The following DDC variants were observed in gnomAD, a reference collection of about 807,000 sequenced individuals.
The protein encoded by DDC is dopa decarboxylase, also known as aromatic-L-amino-acid decarboxylase.
Under a neutral mutation model 60.0 loss-of-function variants are expected in DDC, and 43 were observed. The observed-to-expected ratio is 0.72, with a 90% CI of 0.56 to 0.92. The LOEUF (loss-of-function observed/expected upper bound fraction) is 0.92, where lower values mean the gene tolerates loss of function less well. DDC is among the 40% of genes least tolerant of loss of function. The pLI, the probability that DDC is intolerant of heterozygous loss-of-function variation, is 0.00. For synonymous variants in DDC, 232 were observed against 234.6 expected (o/e 0.99, Z 0.10); for missense variants, 573 against 620.2 (o/e 0.92, Z 0.81).
At chr7:50,521,356 G>A (rs1173734959) in intron 6 of DDC, among the ~76,000 whole-genome samples, 1 of 152,150 alleles carries the variant, frequency 6.6e-6, no homozygotes, top group African/African-American at 2.4e-5. Context: ...TCACTGCTGA[G>A]TTCTGCCAAA....
At chr7:50,535,966 G>T (rs1240280260) in intron 4 of DDC, among the ~76,000 whole-genome samples, 1 of 152,148 alleles carries the variant, frequency 6.6e-6, no homozygotes, top group Non-Finnish European at 1.5e-5. Flanking sequence ...AGTGTGAAAG[G>T]AAAATAAATC....
intron 14 of DDC, among the ~76,000 whole-genome samples, chr7:50,461,773 C>A (rs920565359): frequency 6.6e-6 from 1 of 152,198 alleles, no homozygotes; most frequent in Admixed American, 6.5e-5. Context: ...AGCCTCTCCC[C>A]ACTACCTTCC....
chr7:50,492,665 T>C, intron 9 of DDC: 1 of 1,073,574 alleles, frequency 9.3e-7, no homozygotes, highest in South Asian at 2.1e-5. Flanking sequence ...GGCTTACGTT[T>C]AATTCCTTCT....
At chr7:50,516,388 A>G (rs1394117933) in intron 6 of DDC, among the ~76,000 whole-genome samples, 1 of 152,172 alleles carries the variant, frequency 6.6e-6, no homozygotes, top group Admixed American at 6.5e-5. Flanking sequence ...AACAACAGTA[A>G]CGACACAACC....
rs78509991 is a variant in DDC at position 50,554,841 on chromosome 7, G to C, written c.-29+10444C>G. On this transcript the variant is annotated intron_variant, in intron 1 of 14. Coordinates refer to ENST00000444124, the MANE Select transcript of DDC (RefSeq NM_001082971.2). ...ACATGAGTTTTCTCAACTACAGAGA[G>C]AGAAACATCACAGACTTCCTCACAT... Among the ~76,000 whole-genome samples, 1,351 of 152,282 alleles carry C rather than the reference G, an allele frequency of 8.9e-3. 9 individuals are homozygous for C. The highest frequency in any genetic ancestry group is 0.014 in the Non-Finnish European group (940 of 68,022).
At chr7:50,554,393 A>T (rs1450513199) in intron 1 of DDC, among the ~76,000 whole-genome samples, 1 of 150,154 alleles carries the variant, frequency 6.7e-6, no homozygotes, top group Non-Finnish European at 1.5e-5. Flanking sequence ...GTGAAAGTCT[A>T]TTAATTTTCT....
intron 7 of DDC, among the ~76,000 whole-genome samples, chr7:50,500,660 C>T (rs186737673): frequency 2.0e-5 from 3 of 152,314 alleles, no homozygotes; most frequent in Admixed American, 6.5e-5. Context: ...CCCTAAGCCT[C>T]GGTTCAGGTC....
At position 50,523,841 on chromosome 7, in the gene DDC, A is replaced by T. The variant is rs563979743; in HGVS notation, c.714+4296T>A. On this transcript the variant is annotated intron_variant, in intron 6 of 14. Transcript: ENST00000444124. ...TGGTATTTACCCAAATGAGTTGAAAACTTATGTACACACAAAAACCTGCAC... is the reference window on the plus strand; with the variant it reads ...TGGTATTTACCCAAATGAGTTGAAATCTTATGTACACACAAAAACCTGCAC... 2.0e-5 allele frequency among the ~76,000 whole-genome samples: 3 copies of T among 152,338 alleles called. No homozygotes were observed. The East Asian group carries it at 5.8e-4, about 29-fold the overall frequency.
intron 6 of DDC, among the ~76,000 whole-genome samples, chr7:50,505,459 G>T (rs2043367523): frequency 1.3e-5 from 2 of 152,222 alleles, no homozygotes; most frequent in Non-Finnish European, 2.9e-5. Context: ...TCTTAGCAAT[G>T]CCATGTGTCC....
At chr7:50,465,139 C>T (rs191161406) in intron 13 of DDC, among the ~76,000 whole-genome samples, 231 of 152,212 alleles carry the variant, frequency 1.5e-3, no homozygotes, top group Non-Finnish European at 2.5e-3. Flanking sequence ...ATAACCTTGA[C>T]GACATTATGC....
intron 1 of DDC, among the ~76,000 whole-genome samples, chr7:50,545,013 A>G (rs1451347473): frequency 1.3e-5 from 2 of 152,204 alleles, no homozygotes; most frequent in African/African-American, 2.4e-5. Flanking sequence ...CGTCTTGTGC[A>G]TAGGATGGCT....
In DDC at chr7:50,467,546, C is replaced by T. The variant is rs569139513; in HGVS notation, c.1141-231G>A. Among the ~76,000 whole-genome samples, 13 of 152,344 alleles carry T rather than the reference C, an allele frequency of 8.5e-5. No homozygotes were observed. The East Asian group carries it at 2.3e-3, about 27-fold the overall frequency. ...TCAGAACACCAATTGTCATTTTCTT[C>T]TGTTCATGGGACTATTCTTATCCCA... On this transcript the variant is annotated intron_variant, in intron 12 of 14. Transcript: ENST00000444124.
chr7:50,504,713 G>T (rs1285664549), intron 6 of DDC, among the ~76,000 whole-genome samples: 1 of 152,078 alleles, frequency 6.6e-6, no homozygotes, highest in East Asian at 1.9e-4. Context: ...GTGTGTCTGT[G>T]TGTGTGCACG....
At chr7:50,540,094 C>G in intron 2 of DDC, 66 bp from the exon 3 acceptor site, 5 of 1,261,408 alleles carry the variant, frequency 4.0e-6, no homozygotes, top group Non-Finnish European at 5.7e-6. Context: ...AGCGGGGGAC[C>G]CAGGTACCCC....
intron 6 of DDC, among the ~76,000 whole-genome samples, chr7:50,505,719 G>A (rs905725215): frequency 6.6e-6 from 1 of 152,242 alleles, no homozygotes; most frequent in African/African-American, 2.4e-5. Flanking sequence ...AGCGATGCCT[G>A]CTCAGGGACC....
At chr7:50,546,091 A>G (rs551409806) in intron 1 of DDC, among the ~76,000 whole-genome samples, 1 of 152,318 alleles carries the variant, frequency 6.6e-6, no homozygotes, top group Non-Finnish European at 1.5e-5. Flanking sequence ...AAATTTTCCC[A>G]TGGGAGTTAA....
chr7:50,463,511 C>A, intron 13 of DDC, 80 bp from the exon 14 acceptor site: 1 of 1,186,518 alleles, frequency 8.4e-7, no homozygotes, highest in South Asian at 1.2e-5. Flanking sequence ...AAAGACAGTG[C>A]TTGGCAACCC....
At chr7:50,549,254 C>T (rs903370836) in intron 1 of DDC, among the ~76,000 whole-genome samples, 1 of 152,196 alleles carries the variant, frequency 6.6e-6, no homozygotes, top group Non-Finnish European at 1.5e-5. Flanking sequence ...TTAAGAAATG[C>T]ATTTCATAAG....
At chr7:50,474,079 G>A (rs1366917704) in intron 11 of DDC, among the ~76,000 whole-genome samples, 1 of 152,186 alleles carries the variant, frequency 6.6e-6, no homozygotes, top group African/African-American at 2.4e-5. Flanking sequence ...AACAGGGTGG[G>A]GAGTACAGGG....
Sources: gnomAD v4.1 joint callset for allele counts (sites outside exome capture counted in the v4.1 genomes callset) on GRCh38, gnomAD v4.1.1 for gene constraint, MANE v1.5 for transcripts, NCBI Gene and HGNC (gene_info 2026-07-23, HGNC 2026-07-21) for gene names.